The following SPAG16 variants were observed in gnomAD, a reference collection of about 807,000 sequenced individuals.
SPAG16 encodes the protein sperm-associated antigen 16 protein.
A neutral mutation model predicts 80.4 loss-of-function variants in SPAG16; 86 were observed. That is an observed-to-expected ratio of 1.07 (90% CI 0.90 to 1.28). The LOEUF (loss-of-function observed/expected upper bound fraction) is 1.28, where lower values mean the gene tolerates loss of function less well. Among genes scored for constraint, SPAG16 ranks in the 50% most tolerant of loss-of-function variants. The probability of loss-of-function intolerance (pLI) is 0.00; values close to 1 mark genes in which losing one functional copy is unlikely to be tolerated. For missense variants in SPAG16, 870 were observed against 765.3 expected (o/e 1.14, Z -1.61); for synonymous variants, 294 against 265.9 (o/e 1.11, Z -1.03).
At chr2:214,026,234 A>G (rs1018930985) in intron 13 of SPAG16, among the ~76,000 whole-genome samples, 1 of 151,166 alleles carries the variant, frequency 6.6e-6, no homozygotes, top group Non-Finnish European at 1.5e-5. Context: ...ATATATATAC[A>G]TACACATATT....
At chr2:213,949,179 T>TTTTTTTTTGTTTTG (rs1553677666) in intron 12 of SPAG16, among the ~76,000 whole-genome samples, 3 of 36,244 alleles carry the variant, frequency 8.3e-5, no homozygotes, top group Non-Finnish European at 1.1e-4. Flanking sequence ...GTTTTTTTTT[T>TTTTTTTTTGTTTTG]TTTTTTTTTT....
chr2:213,812,333 G>A (rs540514735), intron 10 of SPAG16, among the ~76,000 whole-genome samples: 2 of 152,214 alleles, frequency 1.3e-5, no homozygotes, highest in Non-Finnish European at 2.9e-5. Context: ...TTTTGCAAAT[G>A]AAACCAGAGT....
chr2:214,037,782 T>C (rs1467292528), intron 13 of SPAG16, among the ~76,000 whole-genome samples: 1 of 152,100 alleles, frequency 6.6e-6, no homozygotes, highest in African/African-American at 2.4e-5. Flanking sequence ...TTTTCCCATA[T>C]TTAATGCTTC....
chr2:213,289,016 A>G (rs1229003403), intron 1 of SPAG16, among the ~76,000 whole-genome samples: 6 of 152,078 alleles, frequency 3.9e-5, no homozygotes, highest in Admixed American at 1.3e-4. Context: ...ATTTGGAGAG[A>G]AAAAAAATGT....
intron 10 of SPAG16, among the ~76,000 whole-genome samples, chr2:213,588,318 A>C (rs1232406474): frequency 2.6e-5 from 4 of 152,198 alleles, no homozygotes; most frequent in Non-Finnish European, 5.9e-5. Context: ...AAACATTCTC[A>C]TATTCTTATA....
intron 11 of SPAG16, among the ~76,000 whole-genome samples, chr2:213,900,473 C>T (rs929678146): frequency 1.3e-5 from 2 of 152,164 alleles, no homozygotes; most frequent in Non-Finnish European, 2.9e-5. Context: ...AATTTCTGTC[C>T]TCTCCCTGCA....
At chr2:213,763,429 A>G (rs527491584) in intron 10 of SPAG16, among the ~76,000 whole-genome samples, 54 of 152,210 alleles carry the variant, frequency 3.5e-4, no homozygotes, top group Non-Finnish European at 6.5e-4. Flanking sequence ...AACCAGTTAT[A>G]GAAAGAAAAA....
At chr2:213,422,500 C>G in intron 9 of SPAG16, 1 of 550,746 alleles carries the variant, frequency 1.8e-6, no homozygotes, top group Non-Finnish European at 3.3e-6. Flanking sequence ...TGGGCTGTAG[C>G]AAGAGCTGAG....
chr2:214,272,298 A>T (rs1391609530), intron 15 of SPAG16, among the ~76,000 whole-genome samples: 1 of 150,306 alleles, frequency 6.7e-6, no homozygotes. Context: ...TATGGTGGAA[A>T]TTTTTTTTTT....
At chr2:213,623,217 G>T (rs1247806628) in intron 10 of SPAG16, among the ~76,000 whole-genome samples, 3 of 152,054 alleles carry the variant, frequency 2.0e-5, no homozygotes, top group Non-Finnish European at 4.4e-5. Flanking sequence ...ACTGCTGCTG[G>T]TATTTAACAC....
chr2:213,540,103 T>C (rs569515037), intron 10 of SPAG16, among the ~76,000 whole-genome samples: 35 of 151,096 alleles, frequency 2.3e-4, no homozygotes, highest in African/African-American at 8.2e-4. Flanking sequence ...GGCCCGATCT[T>C]GGCTCACTGC....
intron 13 of SPAG16, among the ~76,000 whole-genome samples, chr2:214,048,919 C>T (rs1389382641): frequency 6.6e-6 from 1 of 151,744 alleles, no homozygotes; most frequent in Non-Finnish European, 1.5e-5. Flanking sequence ...AGACTCCCTC[C>T]CTCCCTCCCT....
chr2:214,212,196 ACTCT>A (rs1458734986), intron 15 of SPAG16, among the ~76,000 whole-genome samples: 2 of 151,022 alleles, frequency 1.3e-5, no homozygotes, highest in East Asian at 3.9e-4. Context: ...TTTCTCCCTC[ACTCT>A]CTTGTTTCTG....
At chr2:213,655,858 A>G (rs1296328895) in intron 10 of SPAG16, among the ~76,000 whole-genome samples, 1 of 152,260 alleles carries the variant, frequency 6.6e-6, no homozygotes, top group East Asian at 1.9e-4. Flanking sequence ...TTCCAATTTC[A>G]TAAGTGAAAA....
At chr2:213,660,644 G>A (rs1019554171) in intron 10 of SPAG16, among the ~76,000 whole-genome samples, 14 of 152,110 alleles carry the variant, frequency 9.2e-5, no homozygotes, top group Non-Finnish European at 1.3e-4. Context: ...TGGCTTGGAT[G>A]GAATCCAGGG....
chr2:213,767,693 G>T (rs2069017552), intron 10 of SPAG16, among the ~76,000 whole-genome samples: 1 of 132,760 alleles, frequency 7.5e-6, no homozygotes, highest in South Asian at 2.7e-4. Flanking sequence ...TCAGATATAA[G>T]AATTTATGAA....
At chr2:213,913,610 C>G (rs201184399) in intron 11 of SPAG16, among the ~76,000 whole-genome samples, 68 of 8,746 alleles carry the variant, frequency 7.8e-3, no homozygotes, top group South Asian at 0.023. Flanking sequence ...TGTACATGTA[C>G]ATATATGTAT....
intron 13 of SPAG16, among the ~76,000 whole-genome samples, chr2:214,078,716 A>G (rs929083891): frequency 1.3e-5 from 2 of 152,150 alleles, no homozygotes; most frequent in African/African-American, 2.4e-5. Flanking sequence ...GAAATTTATT[A>G]TAATTGATCA....
At chr2:213,524,427 G>T (rs1347415643) in intron 10 of SPAG16, among the ~76,000 whole-genome samples, 1 of 152,186 alleles carries the variant, frequency 6.6e-6, no homozygotes, top group Non-Finnish European at 1.5e-5. Context: ...TGTGAGAAGA[G>T]GGCCACCATC....
Sources: gnomAD v4.1 joint callset for allele counts (sites outside exome capture counted in the v4.1 genomes callset) on GRCh38, gnomAD v4.1.1 for gene constraint, MANE v1.5 for transcripts, NCBI Gene and HGNC (gene_info 2026-07-23, HGNC 2026-07-21) for gene names.